The following CNOT2 variants were observed in gnomAD, a reference collection of about 807,000 sequenced individuals.
CNOT2 encodes CCR4-NOT transcription complex subunit 2, also known as CC chemokine receptor 4-negative regulator of transcription 2.
A neutral mutation model predicts 72.1 loss-of-function variants in CNOT2; 7 were observed. The ratio of observed to expected loss-of-function variants is 0.10; its 90% confidence interval spans 0.06 to 0.18. CNOT2 has a LOEUF of 0.18. CNOT2 is among the 10% of genes least tolerant of loss of function. The probability of loss-of-function intolerance (pLI) is 1.00; values close to 1 mark genes in which losing one functional copy is unlikely to be tolerated. For synonymous variants in CNOT2, 196 were observed against 225.6 expected (o/e 0.87, Z 1.17); for missense variants, 345 against 660.3 (o/e 0.52, Z 5.23).
chr12:70,299,192 C>T (rs942175719), intron 2 of CNOT2, among the ~76,000 whole-genome samples: 8 of 151,980 alleles, frequency 5.3e-5, no homozygotes, highest in African/African-American at 1.9e-4. Flanking sequence ...CCTGTATAAA[C>T]CACCAGATCT....
chr12:70,324,609 A>G (rs1878795451), intron 4 of CNOT2, among the ~76,000 whole-genome samples: 1 of 151,844 alleles, frequency 6.6e-6, no homozygotes, highest in African/African-American at 2.4e-5. Context: ...TGGGAGATCC[A>G]CACAGCTATT....
rs1267487203 is a variant in CNOT2 at position 70,302,657 on chromosome 12, A to AGGTGT, written c.49-8228_49-8224dup. Among the ~76,000 whole-genome samples the AGGTGT allele has an allele frequency of 7.2e-5, 11 of 152,346 alleles. No homozygotes were observed. The South Asian group carries it at 2.3e-3, about 32-fold the overall frequency. ...CCAACTATGTGGTCAACTTTGGAAT[A>AGGTGT]GGTGTGGTGTGGTGCTGAAAAGAAT... is the stretch of plus-strand genomic sequence containing the variant. On this transcript the variant is annotated intron_variant, in intron 2 of 15. Coordinates refer to ENST00000229195, the MANE Select transcript of CNOT2 (RefSeq NM_014515.7).
intron 2 of CNOT2, among the ~76,000 whole-genome samples, chr12:70,283,257 A>G (rs1870189232): frequency 6.6e-6 from 1 of 152,166 alleles, no homozygotes; most frequent in African/African-American, 2.4e-5. Context: ...TCTATGATAT[A>G]TAGTATGTTA....
intron 1 of CNOT2, among the ~76,000 whole-genome samples, chr12:70,258,766 C>G (rs889478947): frequency 1.3e-5 from 2 of 152,186 alleles, no homozygotes; most frequent in South Asian, 2.1e-4. Flanking sequence ...ACTGATTTCC[C>G]CTCAAGGCGT....
At chr12:70,249,980 A>T (rs368611193) in intron 1 of CNOT2, among the ~76,000 whole-genome samples, 4 of 152,212 alleles carry the variant, frequency 2.6e-5, no homozygotes, top group African/African-American at 9.6e-5. Flanking sequence ...TTTCTAATCT[A>T]TGCTTGCTTA....
upstream of CNOT2, chr12:70,243,283 A>C (rs1957655090): frequency 6.6e-6 from 1 of 152,606 alleles, no homozygotes; most frequent in Non-Finnish European, 1.5e-5. Flanking sequence ...CCTTGTTAGA[A>C]GCGCGCTGAA....
chr12:70,329,616 G>A (rs756710697), intron 5 of CNOT2, 46 bp downstream of exon 5: 24 of 1,424,962 alleles, frequency 1.7e-5, no homozygotes, highest in Non-Finnish European at 2.4e-5. Flanking sequence ...TATCTTGGTA[G>A]AGTAAACAAA....
At chr12:70,330,631 G>A (rs549618989) in intron 6 of CNOT2, 162 bp downstream of exon 6, 3 of 445,650 alleles carry the variant, frequency 6.7e-6, no homozygotes, top group East Asian at 7.0e-5. Flanking sequence ...AAAACGATAC[G>A]TTTTCTTGAA....
intron 14 of CNOT2, chr12:70,345,134 A>G (rs1882005030): frequency 6.6e-6 from 1 of 152,222 alleles, no homozygotes; most frequent in Admixed American, 6.5e-5. Flanking sequence ...TTTTGTTATC[A>G]ATAGACAATT....
chr12:70,305,978 A>T (rs573099312), intron 2 of CNOT2, among the ~76,000 whole-genome samples: 1 of 147,924 alleles, frequency 6.8e-6, no homozygotes, highest in African/African-American at 2.5e-5. Flanking sequence ...TGCCTTAGGA[A>T]TTCATAGCTA....
chr12:70,264,518 C>T (rs1217587776), intron 1 of CNOT2, among the ~76,000 whole-genome samples: 1 of 152,132 alleles, frequency 6.6e-6, no homozygotes, highest in Non-Finnish European at 1.5e-5. Flanking sequence ...TGTGTAACCA[C>T]GGTCTTATGA....
intron 2 of CNOT2, among the ~76,000 whole-genome samples, chr12:70,308,550 A>G (rs1875845116): frequency 7.8e-6 from 1 of 128,334 alleles, no homozygotes; most frequent in African/African-American, 2.9e-5. Flanking sequence ...TAAGTTTGGT[A>G]TATTTTCTCT....
chr12:70,278,724 T>G (rs1011364843), intron 2 of CNOT2, among the ~76,000 whole-genome samples: 3 of 152,032 alleles, frequency 2.0e-5, no homozygotes, highest in Non-Finnish European at 2.9e-5. Context: ...AAACCCAGGG[T>G]GCTTAGAGAC....
At chr12:70,289,910 G>A (rs1021003239) in intron 2 of CNOT2, among the ~76,000 whole-genome samples, 1 of 151,388 alleles carries the variant, frequency 6.6e-6, no homozygotes, top group African/African-American at 2.4e-5. Flanking sequence ...GCCAGTCTTT[G>A]GAAACTTTAT....
intron 2 of CNOT2, among the ~76,000 whole-genome samples, chr12:70,296,939 A>G (rs1310299084): frequency 6.6e-6 from 1 of 152,166 alleles, no homozygotes; most frequent in African/African-American, 2.4e-5. Context: ...CGAATATTCT[A>G]CTTCCATAGA....
intron 3 of CNOT2, among the ~76,000 whole-genome samples, chr12:70,314,640 G>C (rs910730932): frequency 3.9e-5 from 6 of 151,952 alleles, no homozygotes; most frequent in African/African-American, 1.5e-4. Flanking sequence ...AGTGTTTAAG[G>C]AATTAAGTAC....
chr12:70,346,247 C>T lies in CNOT2; in HGVS notation c.1459C>T (p.Pro487Ser). 1 of 1,609,340 alleles carries T rather than the reference C, an allele frequency of 6.2e-7. No homozygotes were observed. The highest frequency in any genetic ancestry group is 8.5e-7 in the Non-Finnish European group (1 of 1,175,804). Residue 487 changes from proline (P) to serine (S), a missense_variant, in exon 15 of 16, where the codon CCA becomes TCA. Pro to Ser is a moderately conservative substitution (Grantham distance 74, BLOSUM62 -1). Around this residue, in one of 4 missense-constraint regions of CNOT2, gnomAD observed 53 missense variants for 153.4 expected, o/e 0.35. Coordinates refer to ENST00000229195, the MANE Select transcript of CNOT2 (RefSeq NM_014515.7). ...VWITRAPGME[P>S]TMKTNTYERG... ...GATTACCAGGGCACCAGGCATGGAG[C>T]CAACAATGAAAACCAATACCTATGA...
At chr12:70,278,415 C>T (rs1034401967) in intron 2 of CNOT2, 141 bp downstream of exon 2, 4 of 551,626 alleles carry the variant, frequency 7.3e-6, no homozygotes, top group Non-Finnish European at 1.3e-5. Context: ...AAATTAAGTA[C>T]TGGATTTGAT....
chr12:70,290,419 G>T (rs1771168340), intron 2 of CNOT2, among the ~76,000 whole-genome samples: 1 of 152,030 alleles, frequency 6.6e-6, no homozygotes, highest in African/African-American at 2.4e-5. Context: ...AATTCACAAA[G>T]ATTGCTGGGC....
Sources: allele counts gnomAD v4.1 joint callset (sites outside exome capture counted in the v4.1 genomes callset), GRCh38; gene constraint gnomAD v4.1.1; regional missense constraint gnomAD v4.1.1; transcripts MANE v1.5; gene names NCBI Gene and HGNC (gene_info 2026-07-23, HGNC 2026-07-21).